Variants in STPG2 observed in about 807,000 individuals in gnomAD.
STPG2 encodes sperm tail PG-rich repeat containing 2, also known as sperm-tail PG-rich repeat-containing protein 2.
STPG2 carries 56 observed loss-of-function variants against 54.2 expected under a neutral mutation model. The observed-to-expected ratio is 1.03, with a 90% CI of 0.83 to 1.29. The LOEUF is 1.29. Ranked by LOEUF, STPG2 falls within the 50% of genes most tolerant of loss-of-function variation. STPG2 has a pLI of 0.00. For missense variants in STPG2, 596 were observed against 544.9 expected, an observed-to-expected ratio of 1.09 and a Z score of -0.93; for synonymous variants, 200 against 181.8, an observed-to-expected ratio of 1.10 and a Z score of -0.81.
intron 4 of STPG2, among the ~76,000 whole-genome samples, chr4:97,466,212 C>T (rs972930603): frequency 1.3e-5 from 2 of 152,012 alleles, no homozygotes; most frequent in African/African-American, 4.8e-5. Flanking sequence ...CTTGTAGCAC[C>T]AAGGCCGTAG....
At chr4:97,633,399 T>C (rs1375299420) in intron 10 of STPG2, 1 of 152,080 alleles carries the variant, frequency 6.6e-6, no homozygotes, top group East Asian at 1.9e-4. Flanking sequence ...ACATACTCAA[T>C]AAAGTAATGA....
chr4:97,633,272 T>C (rs957361360), intron 10 of STPG2, among the ~76,000 whole-genome samples: 1 of 152,186 alleles, frequency 6.6e-6, no homozygotes, highest in African/African-American at 2.4e-5. Context: ...TTTCAGTTTT[T>C]ATTGACTTAA....
intron 9 of STPG2, among the ~76,000 whole-genome samples, chr4:97,761,614 C>A (rs763403909): frequency 1.3e-5 from 2 of 152,122 alleles, no homozygotes; most frequent in Non-Finnish European, 2.9e-5. Flanking sequence ...CACCATATAA[C>A]ACATATTCAC....
At chr4:97,942,812 AT>A (rs1733040556) in intron 8 of STPG2, among the ~76,000 whole-genome samples, 1 of 152,156 alleles carries the variant, frequency 6.6e-6, no homozygotes, top group Non-Finnish European at 1.5e-5. Flanking sequence ...GTTTTCATTG[AT>A]TAGCTACATT....
chr4:97,884,009 T>C (rs887586617), intron 8 of STPG2, among the ~76,000 whole-genome samples: 4 of 151,650 alleles, frequency 2.6e-5, no homozygotes, highest in Non-Finnish European at 5.9e-5. Flanking sequence ...TTTGCGGGGG[T>C]GGGGAGAAGT....
chr4:97,484,123 T>G (rs1730294839), intron 4 of STPG2, among the ~76,000 whole-genome samples: 1 of 151,580 alleles, frequency 6.6e-6, no homozygotes, highest in East Asian at 1.9e-4. Flanking sequence ...TTAAAAAGAC[T>G]GAAAGAGCAC....
rs1044389247 is a variant in STPG2 at position 97,470,444 on chromosome 4, A to G, written c.462+242255T>C. ...TATATTATACTAGCTTTCAAAATAC[A>G]TTATACAACATGTAATCTTTAATAT... On this transcript the variant is annotated intron_variant, in intron 4 of 4. Coordinates refer to the STPG2 transcript ENST00000522676. Among the ~76,000 whole-genome samples, 6 of 152,264 alleles carry G rather than the reference A, an allele frequency of 3.9e-5. No individual in the cohort carries two copies. In the South Asian group the frequency reaches 1.0e-3, roughly 26 times the overall value.
chr4:97,930,659 A>C (rs1156264032), intron 8 of STPG2, among the ~76,000 whole-genome samples: 1 of 152,152 alleles, frequency 6.6e-6, no homozygotes, highest in Non-Finnish European at 1.5e-5. Flanking sequence ...TTGGCTATTA[A>C]GGCTCTTTTT....
intron 8 of STPG2, among the ~76,000 whole-genome samples, chr4:97,895,870 C>A (rs1730935588): frequency 6.6e-6 from 1 of 151,794 alleles, no homozygotes; most frequent in Non-Finnish European, 1.5e-5. Flanking sequence ...CCAAGGCATC[C>A]TCCCCAGAAA....
At chr4:97,528,179 A>C (rs1731326330) in intron 4 of STPG2, among the ~76,000 whole-genome samples, 1 of 152,138 alleles carries the variant, frequency 6.6e-6, no homozygotes, top group Admixed American at 6.6e-5. Context: ...TTTTTGTATA[A>C]GGTGTAAGAA....
chr4:97,777,283 C>G (rs1452705555), intron 9 of STPG2, among the ~76,000 whole-genome samples: 2 of 152,108 alleles, frequency 1.3e-5, no homozygotes, highest in Non-Finnish European at 2.9e-5. Flanking sequence ...TTAGGTTTGT[C>G]AGTTTTTTCT....
chr4:97,722,091 A>AG (rs375226155), intron 9 of STPG2, among the ~76,000 whole-genome samples: 45 of 148,232 alleles, frequency 3.0e-4, no homozygotes, highest in Admixed American at 9.5e-4. Context: ...AATGTCCAGG[A>AG]GGGGAAAAAA....
At chr4:97,894,339 A>T (rs749049572) in intron 8 of STPG2, among the ~76,000 whole-genome samples, 8 of 151,976 alleles carry the variant, frequency 5.3e-5, no homozygotes, top group Non-Finnish European at 8.8e-5. Flanking sequence ...CACAACATTC[A>T]TCTACGAAAA....
chr4:97,916,437 C>T (rs1388799193), intron 8 of STPG2: 2 of 152,662 alleles, frequency 1.3e-5, no homozygotes, highest in Non-Finnish European at 2.9e-5. Context: ...GCTTGAAAAC[C>T]ATTCCAACAT....
intron 10 of STPG2, among the ~76,000 whole-genome samples, chr4:97,703,563 T>C (rs1191110809): frequency 7.4e-6 from 1 of 134,806 alleles, no homozygotes; most frequent in Non-Finnish European, 1.5e-5. Flanking sequence ...CTATATATAC[T>C]ATTATATTTA....
intron 5 of STPG2, 109 bp downstream of exon 5, chr4:98,105,844 C>G: frequency 1.1e-6 from 1 of 914,218 alleles, no homozygotes; most frequent in Non-Finnish European, 1.6e-6. Context: ...CATTGAATGA[C>G]GATTAGCTAT....
At chr4:98,023,080 G>A (rs1473037532) in intron 5 of STPG2, among the ~76,000 whole-genome samples, 1 of 152,210 alleles carries the variant, frequency 6.6e-6, no homozygotes, top group Non-Finnish European at 1.5e-5. Flanking sequence ...TCCTTTGGAG[G>A]AGGAGAGGAG....
At chr4:97,986,607 T>C (rs564762190) in intron 5 of STPG2, among the ~76,000 whole-genome samples, 1 of 152,346 alleles carries the variant, frequency 6.6e-6, no homozygotes, top group East Asian at 1.9e-4. Flanking sequence ...AAAGAAGACA[T>C]TTCTTATAAA....
chr4:97,567,608 A>G (rs1035456421), intron 10 of STPG2, among the ~76,000 whole-genome samples: 5 of 151,926 alleles, frequency 3.3e-5, no homozygotes, highest in Admixed American at 1.3e-4. Flanking sequence ...AATATAGGAA[A>G]TTGGTTAAAT....
Sources: gnomAD v4.1 joint callset for allele counts (sites outside exome capture counted in the v4.1 genomes callset) on GRCh38, gnomAD v4.1.1 for gene constraint, MANE v1.5 for transcripts, NCBI Gene and HGNC (gene_info 2026-07-23, HGNC 2026-07-21) for gene names.